The following CHMP6 variants were observed in gnomAD, a reference collection of about 807,000 sequenced individuals.
CHMP6 encodes charged multivesicular body protein 6, also known as chromatin-modifying protein 6.
CHMP6 carries 10 observed loss-of-function variants against 32.8 expected under a neutral mutation model. That is an observed-to-expected ratio of 0.30 (90% CI 0.19 to 0.52). The LOEUF (loss-of-function observed/expected upper bound fraction) is 0.52. Ranked by LOEUF, CHMP6 falls within the 20% of genes least tolerant of loss-of-function variation. The pLI, the probability that CHMP6 is intolerant of heterozygous loss-of-function variation, is 0.97. For missense variants in CHMP6, 269 were observed against 263.8 expected, an observed-to-expected ratio of 1.02 and a Z score of -0.14; for synonymous variants, 123 against 105.8, an observed-to-expected ratio of 1.16 and a Z score of -1.00.
chr17:80,995,534 G>C, intron 3 of CHMP6, 138 bp from the exon 4 acceptor site: 1 of 685,706 alleles, frequency 1.5e-6, no homozygotes. Context: ...AGAGGACAGG[G>C]AGGAGCAGGT....
intron 3 of CHMP6, 52 bp from the exon 4 acceptor site, chr17:80,995,620 G>A: frequency 2.6e-6 from 4 of 1,542,810 alleles, no homozygotes; most frequent in East Asian, 2.2e-5. Context: ...AGGGCCGGGA[G>A]GAGGGCACCC....
chr17:80,998,966 G>A, intron 7 of CHMP6, 132 bp from the exon 8 acceptor site: 1 of 1,016,644 alleles, frequency 9.8e-7, no homozygotes, highest in Non-Finnish European at 1.5e-6. Context: ...GCCTCCCCCA[G>A]AGCTGGGCGT....
At chr17:80,992,617 G>A (rs2069602699) in intron 1 of CHMP6, among the ~76,000 whole-genome samples, 1 of 152,164 alleles carries the variant, frequency 6.6e-6, no homozygotes, top group South Asian at 2.1e-4. Flanking sequence ...CCTGGGTACG[G>A]GACCACCGTG....
chr17:80,993,746 G>T (rs56184339), intron 1 of CHMP6, among the ~76,000 whole-genome samples: 19,784 of 152,198 alleles, frequency 0.13, 1,541 homozygotes, highest in South Asian at 0.25. Context: ...GGCGGTCAGC[G>T]GGGCCGAGTG....
chr17:80,995,819 G>A, intron 4 of CHMP6, 61 bp downstream of exon 4: 1 of 1,491,470 alleles, frequency 6.7e-7, no homozygotes, highest in Non-Finnish European at 9.3e-7. Flanking sequence ...TGGAGCTGGG[G>A]ATAGGGCGGG....
At chr17:80,995,566 C>G in intron 3 of CHMP6, 106 bp from the exon 4 acceptor site, 2 of 924,682 alleles carry the variant, frequency 2.2e-6, no homozygotes, top group Non-Finnish European at 3.5e-6. Flanking sequence ...CCCTCACGCC[C>G]AGCAGCACCC....
chr17:80,998,342 A>G (rs1598440481), intron 6 of CHMP6, 24 bp from the exon 7 acceptor site: 1 of 1,613,938 alleles, frequency 6.2e-7, no homozygotes, highest in South Asian at 1.1e-5. Flanking sequence ...ACCTGCTCAT[A>G]GCCTTACCCT....
At chr17:80,996,382 A>G (rs1387434340) in intron 4 of CHMP6, among the ~76,000 whole-genome samples, 1 of 151,034 alleles carries the variant, frequency 6.6e-6, no homozygotes, top group African/African-American at 2.4e-5. Context: ...CAGGCCGGGC[A>G]TGGATGTGAA....
chr17:80,995,321 G>A (rs1568027896), intron 3 of CHMP6, among the ~76,000 whole-genome samples: 1 of 152,172 alleles, frequency 6.6e-6, no homozygotes, highest in African/African-American at 2.4e-5. Context: ...GCTCTCGCAG[G>A]ACTGAGGTGG....
In CHMP6 at chr17:80,992,000, G is replaced by A. The variant is rs1449275357; in HGVS notation, c.63+19G>A. 3 of 1,408,068 alleles carry A rather than the reference G, an allele frequency of 2.1e-6. No individual in the cohort carries two copies. The highest frequency in any genetic ancestry group is 5.0e-5 in the Admixed American group (2 of 40,148). The allele number at this position is 1,408,068 out of a possible 1,614,324, so 87.2% of individuals were successfully genotyped here. On this transcript the variant is annotated intron_variant, in intron 1 of 7. Transcript: ENST00000325167. The stretch of plus-strand genomic sequence containing the variant: ...CATCCTGGTGAGGGCCCGGGCCCGG[G>A]GTCAGGGCTGGGGCCGGGACAGGCG...
At chr17:80,994,769 G>A in intron 2 of CHMP6, 79 bp downstream of exon 2, 1 of 435,112 alleles carries the variant, frequency 2.3e-6, no homozygotes, top group East Asian at 4.0e-5. Flanking sequence ...CTGTCGGCTG[G>A]GGTGGGGGGC....
intron 1 of CHMP6, among the ~76,000 whole-genome samples, chr17:80,994,014 G>A (rs148301499): frequency 2.0e-5 from 3 of 152,190 alleles, no homozygotes; most frequent in African/African-American, 7.2e-5. Context: ...CCGGGTTCAC[G>A]CTGTTCTCCT....
At position 80,996,999 on chromosome 17, in the gene CHMP6, G is replaced by A. The variant is rs776448707; in HGVS notation, c.349-8G>A. The A allele has an allele frequency of 1.4e-5, 23 of 1,612,544 alleles. No individual in the cohort carries two copies. The highest frequency in any genetic ancestry group is 1.3e-4 in the Admixed American group (8 of 59,854). On this transcript the variant is annotated splice_region_variant and splice_polypyrimidine_tract_variant and intron_variant, in intron 4 of 7. Coordinates refer to ENST00000325167, the MANE Select transcript of CHMP6 (RefSeq NM_024591.5). ...ACAGGGGTCAACACCCATCACCCTCGTCCACAGGTGATGTCCATTGAAGAG... is the reference window on the plus strand; with the variant it reads ...ACAGGGGTCAACACCCATCACCCTCATCCACAGGTGATGTCCATTGAAGAG...
chr17:80,996,919 C>A, intron 4 of CHMP6, 88 bp from the exon 5 acceptor site: 2 of 1,281,100 alleles, frequency 1.6e-6, no homozygotes, highest in Non-Finnish European at 2.2e-6. Context: ...AGGGGTGAGG[C>A]CATGGCCCTG....
At chr17:80,997,389 C>T (rs776768697) in intron 6 of CHMP6, 48 bp downstream of exon 6, 3 of 1,521,748 alleles carry the variant, frequency 2.0e-6, no homozygotes, top group African/African-American at 2.7e-5. Context: ...CAGCGGGACC[C>T]CCAGAGCTCA....
At chr17:80,993,747 G>C (rs2069613441) in intron 1 of CHMP6, among the ~76,000 whole-genome samples, 1 of 152,210 alleles carries the variant, frequency 6.6e-6, no homozygotes, top group Non-Finnish European at 1.5e-5. Context: ...GCGGTCAGCG[G>C]GGCCGAGTGG....
Position 80,997,322 on chromosome 17 carries a change from A to T in CHMP6, c.476A>T (p.Glu159Val). 1.5e-6 allele frequency: 2 copies of T among 1,363,988 alleles called. No individual in the cohort carries two copies. Among genetic ancestry groups the T allele is most frequent in the African/African-American group, 1.7e-5 (1 of 60,174 alleles). 84.5% of individuals were successfully genotyped at this position (1,363,988 alleles called of 1,614,324 possible). A position where few individuals can be genotyped will look rare whatever the true frequency, so the allele number is the denominator to read the frequency against. The change falls in exon 6 of 8, where the codon GAG becomes GTG. Residue 159 changes from glutamate (E) to valine (V), a missense_variant. Coordinates refer to ENST00000325167, the MANE Select transcript of CHMP6 (RefSeq NM_024591.5). ...TQEDEDAILE[E>V]LSAITQEQIE... ...GAGGATGAAGACGCCATCCTGGAGG[A>T]GCTGAGCGCAATCACTCAGGTAACG...
chr17:80,995,044 A>C lies in CHMP6; in HGVS notation c.199A>C (p.Lys67Gln), dbSNP rs1198901998. ...ACGGGCCAAGCTGCTGCTCAAGAAG[A>C]AGCGATACCAGGAGCAGCTCCTGGA... ...KERAKLLLKKKRYQEQLLDRT... is the reference protein window; with the variant it reads ...KERAKLLLKKQRYQEQLLDRT... The change falls in exon 3 of 8, where the codon AAG (lysine) becomes CAG (glutamine). Residue 67 changes from lysine to glutamine, a missense_variant. Lys to Gln is a moderately conservative substitution (Grantham distance 53). Coordinates refer to ENST00000325167, the MANE Select transcript of CHMP6 (RefSeq NM_024591.5). 1 of 1,600,698 alleles carries C rather than the reference A, an allele frequency of 6.2e-7. No homozygotes were observed. The highest frequency in any genetic ancestry group is 1.7e-5 in the Admixed American group (1 of 57,434).
At chr17:80,993,557 G>A (rs2069611632) in intron 1 of CHMP6, among the ~76,000 whole-genome samples, 1 of 152,250 alleles carries the variant, frequency 6.6e-6, no homozygotes, top group South Asian at 2.1e-4. Context: ...GAGGCACACA[G>A]GCCCTGACTG....
Sources: allele counts gnomAD v4.1 joint callset (sites outside exome capture counted in the v4.1 genomes callset), GRCh38; gene constraint gnomAD v4.1.1; transcripts MANE v1.5; gene names NCBI Gene and HGNC (gene_info 2026-07-23, HGNC 2026-07-21).